PPARGC1A: variants seen among roughly 807,000 people sequenced by gnomAD.
PPARGC1A encodes the protein peroxisome proliferator-activated receptor gamma coactivator 1-alpha.
Under a neutral mutation model 88.7 loss-of-function variants are expected in PPARGC1A, and 25 were observed. The observed-to-expected ratio is 0.28, with a 90% CI of 0.21 to 0.39. The LOEUF (loss-of-function observed/expected upper bound fraction) is 0.39, where lower values mean the gene tolerates loss of function less well. Among genes scored for constraint, PPARGC1A ranks in the 10% least tolerant of loss-of-function variants. The pLI, the probability that PPARGC1A is intolerant of heterozygous loss-of-function variation, is 1.00. For synonymous variants in PPARGC1A, 363 were observed against 355.6 expected (o/e 1.02, Z -0.24); for missense variants, 880 against 968.7 (o/e 0.91, Z 1.22).
At chr4:24,400,333 G>A in the PPARGC1A span, among the ~76,000 whole-genome samples, 2 of 152,092 alleles carry the variant, frequency 1.3e-5, no homozygotes, top group African/African-American at 4.8e-5. Flanking sequence ...AAGCAAGCAG[G>A]AAAATGTGAA....
chr4:24,162,814 G>C, the PPARGC1A span, among the ~76,000 whole-genome samples: 10 of 151,466 alleles, frequency 6.6e-5, no homozygotes, highest in Non-Finnish European at 1.0e-4. Context: ...GTCTGGTCTC[G>C]CACCCCTGAC....
At chr4:24,292,042 T>C in the PPARGC1A span, among the ~76,000 whole-genome samples, 1 of 151,880 alleles carries the variant, frequency 6.6e-6, no homozygotes, top group Admixed American at 6.6e-5. Flanking sequence ...AAGAAGTGAG[T>C]GAAGAAGAAG....
At chr4:24,392,101 T>C in the PPARGC1A span, among the ~76,000 whole-genome samples, 2 of 152,206 alleles carry the variant, frequency 1.3e-5, no homozygotes, top group African/African-American at 4.8e-5. Flanking sequence ...AAGAATTTTA[T>C]TGTCATTCGC....
the PPARGC1A span, among the ~76,000 whole-genome samples, chr4:24,112,046 AG>A: frequency 1.1e-4 from 16 of 152,318 alleles, 1 homozygote; most frequent in South Asian, 3.3e-3. Flanking sequence ...AGACAGTAGT[AG>A]GCTTTGCTCT....
the PPARGC1A span, among the ~76,000 whole-genome samples, chr4:24,076,044 A>G: frequency 6.6e-6 from 1 of 152,116 alleles, no homozygotes; most frequent in Non-Finnish European, 1.5e-5. Flanking sequence ...ATGTAATTTT[A>G]ACATTACAAA....
At chr4:24,068,492 T>C in the PPARGC1A span, among the ~76,000 whole-genome samples, 2 of 152,226 alleles carry the variant, frequency 1.3e-5, no homozygotes, top group Admixed American at 6.5e-5. Flanking sequence ...TTCAGGGAAT[T>C]GCAAACTCAT....
At chr4:24,042,232 C>T in the PPARGC1A span, among the ~76,000 whole-genome samples, 2 of 152,170 alleles carry the variant, frequency 1.3e-5, no homozygotes, top group Non-Finnish European at 1.5e-5. Flanking sequence ...ATGTATTCAG[C>T]TGTTTTTTAT....
At chr4:24,292,473 C>T in the PPARGC1A span, among the ~76,000 whole-genome samples, 1 of 151,434 alleles carries the variant, frequency 6.6e-6, no homozygotes, top group East Asian at 1.9e-4. Flanking sequence ...TCTGCCTCCC[C>T]TATGTGCACT....
chr4:24,282,694 C>CT, the PPARGC1A span, among the ~76,000 whole-genome samples: 5 of 152,212 alleles, frequency 3.3e-5, no homozygotes, highest in African/African-American at 1.2e-4. Flanking sequence ...TTGTCCCTCT[C>CT]TTTCATCCAG....
At chr4:24,356,065 C>G in the PPARGC1A span, among the ~76,000 whole-genome samples, 1 of 151,916 alleles carries the variant, frequency 6.6e-6, no homozygotes, top group African/African-American at 2.4e-5. Flanking sequence ...GGCGTGGTGG[C>G]GCGTGCCTGT....
the PPARGC1A span, among the ~76,000 whole-genome samples, chr4:23,925,275 A>G: frequency 6.6e-6 from 1 of 152,212 alleles, no homozygotes; most frequent in African/African-American, 2.4e-5. Flanking sequence ...CTCTAAATAC[A>G]AAAATGAATA....
the PPARGC1A span, among the ~76,000 whole-genome samples, chr4:24,038,796 G>A: frequency 1.3e-5 from 2 of 152,082 alleles, no homozygotes; most frequent in Non-Finnish European, 2.9e-5. Context: ...AACTTTGTAA[G>A]TGCATACCAG....
chr4:24,391,604 C>T, the PPARGC1A span, among the ~76,000 whole-genome samples: 1 of 152,068 alleles, frequency 6.6e-6, no homozygotes, highest in Admixed American at 6.6e-5. Flanking sequence ...AAATTAAATT[C>T]TTCAATCTCA....
the PPARGC1A span, among the ~76,000 whole-genome samples, chr4:24,048,493 G>A: frequency 6.6e-6 from 1 of 152,066 alleles, no homozygotes; most frequent in South Asian, 2.1e-4. Flanking sequence ...AGTAAACACA[G>A]TTTATGGCCC....
the PPARGC1A span, among the ~76,000 whole-genome samples, chr4:24,102,622 G>A: frequency 6.6e-6 from 1 of 152,322 alleles, no homozygotes; most frequent in Non-Finnish European, 1.5e-5. Context: ...CGGAGTGGGT[G>A]GGGATTGTAT....
the PPARGC1A span, among the ~76,000 whole-genome samples, chr4:24,329,857 A>G: frequency 6.6e-6 from 1 of 152,168 alleles, no homozygotes; most frequent in Admixed American, 6.5e-5. Context: ...AACAAAGCAA[A>G]CCCAGTAAAA....
chr4:23,859,795 TAAAATAAAATAAAATAAA>T (rs1730897971), intron 2 of PPARGC1A, among the ~76,000 whole-genome samples: 1 of 7,022 alleles, frequency 1.4e-4, no homozygotes, highest in East Asian at 1.9e-3. Context: ...TAAAATAAAA[TAAAATAAAATAAAATAAA>T]ATAAAATAAA....
chr4:24,124,693 C>T, the PPARGC1A span, among the ~76,000 whole-genome samples: 3 of 151,582 alleles, frequency 2.0e-5, no homozygotes, highest in Non-Finnish European at 2.9e-5. Context: ...GAAGGAGATG[C>T]AAATGTTAGT....
the PPARGC1A span, among the ~76,000 whole-genome samples, chr4:24,223,669 T>A: frequency 6.6e-6 from 1 of 152,224 alleles, no homozygotes; most frequent in African/African-American, 2.4e-5. Flanking sequence ...CAATGATGCA[T>A]CTTAAAATCA....
Sources: allele counts gnomAD v4.1 joint callset (sites outside exome capture counted in the v4.1 genomes callset), GRCh38; gene constraint gnomAD v4.1.1; transcripts MANE v1.5; gene names NCBI Gene and HGNC (gene_info 2026-07-23, HGNC 2026-07-21).